PRR5L: variants seen among roughly 807,000 people sequenced by gnomAD.
PRR5L encodes proline rich 5 like.
PRR5L carries 21 observed loss-of-function variants against 36.4 expected under a neutral mutation model. The observed-to-expected ratio is 0.58, with a 90% CI of 0.41 to 0.83. The LOEUF is 0.83. Among genes scored for constraint, PRR5L ranks in the 40% least tolerant of loss-of-function variants. PRR5L has a pLI of 0.00. For missense variants in PRR5L, 381 were observed against 473.3 expected (o/e 0.80, Z 1.81); for synonymous variants, 188 against 197.0 (o/e 0.95, Z 0.38).
At chr11:36,317,084 C>A (rs1349180267) in intron 1 of PRR5L, among the ~76,000 whole-genome samples, 1 of 152,198 alleles carries the variant, frequency 6.6e-6, no homozygotes, top group African/African-American at 2.4e-5. Flanking sequence ...AGAACCCAAA[C>A]CAACACTTTC....
chr11:36,397,526 G>A (rs927276804), intron 1 of PRR5L, among the ~76,000 whole-genome samples: 6 of 132,366 alleles, frequency 4.5e-5, no homozygotes, highest in African/African-American at 1.8e-4. Flanking sequence ...GTGCCATCTT[G>A]GCTCACTGCA....
At chr11:36,451,163 GGCA>G in intron 7 of PRR5L, 43 bp from the exon 8 acceptor site, 1 of 1,606,776 alleles carries the variant, frequency 6.2e-7, no homozygotes, top group Non-Finnish European at 8.5e-7. Context: ...TGCTGGTCAT[GGCA>G]ATGAACACTG....
At chr11:36,389,774 G>T (rs1456881869) in intron 1 of PRR5L, among the ~76,000 whole-genome samples, 2 of 152,104 alleles carry the variant, frequency 1.3e-5, no homozygotes, top group Non-Finnish European at 2.9e-5. Flanking sequence ...CACCATACCT[G>T]GCTAGTTTTG....
At chr11:36,419,143 C>A in intron 3 of PRR5L, 112 bp from the exon 4 acceptor site, 3 of 879,338 alleles carry the variant, frequency 3.4e-6, no homozygotes, top group Non-Finnish European at 3.9e-6. Context: ...TAAGAAAGTG[C>A]CCTCAAGATC....
At chr11:36,412,378 C>T (rs978108916) in intron 3 of PRR5L, among the ~76,000 whole-genome samples, 6 of 152,164 alleles carry the variant, frequency 3.9e-5, no homozygotes, top group Non-Finnish European at 1.5e-5. Context: ...ATGCCGGGTT[C>T]CATCCTAGGA....
chr11:36,462,604 G>A lies in PRR5L; in HGVS notation c.975G>A (p.Leu325=). Reference sequence around the variant, plus strand: ...GCAGTGAGAACAAGTGCCTGCTCCTGCCACCCAGCTTCCCCCCGCCCCACC... The same window carrying A: ...GCAGTGAGAACAAGTGCCTGCTCCTACCACCCAGCTTCCCCCCGCCCCACC... ...EASSENKCLL[L]PPSFPPPHRQ... Residue 325 remains leucine, a synonymous_variant, in exon 9 of 9, where the codon CTG becomes CTA. Coordinates refer to ENST00000530639, the MANE Select transcript of PRR5L (RefSeq NM_001160167.2). The A allele has an allele frequency of 6.2e-7, 1 of 1,612,758 alleles. No homozygotes were observed. The highest frequency in any genetic ancestry group is 8.5e-7 in the Non-Finnish European group (1 of 1,179,930).
chr11:36,462,412 C>A lies in PRR5L; in HGVS notation c.783C>A (p.Ser261Arg). ...ATGCCTCCCCGATAACCGCAGTCAGCCGGCCACTGAATGAGATGGTCTTGA... is the reference window on the plus strand; with the variant it reads ...ATGCCTCCCCGATAACCGCAGTCAGACGGCCACTGAATGAGATGGTCTTGA... ...LNYASPITAV[S>R]RPLNEMVLTP... The change falls in exon 9 of 9, where the codon AGC becomes AGA. Residue 261 changes from serine (S) to arginine (R), a missense_variant. Coordinates refer to ENST00000530639, the MANE Select transcript of PRR5L (RefSeq NM_001160167.2). The A allele has an allele frequency of 6.3e-7, 1 of 1,575,092 alleles. No homozygotes were observed.
intron 3 of PRR5L, among the ~76,000 whole-genome samples, chr11:36,413,798 G>T (rs1300516383): frequency 6.7e-6 from 1 of 149,552 alleles, no homozygotes; most frequent in Non-Finnish European, 1.5e-5. Flanking sequence ...TGCCATGCTG[G>T]TGTGCTGCAC....
chr11:36,414,484 A>T (rs1858098863), intron 3 of PRR5L, among the ~76,000 whole-genome samples: 1 of 143,304 alleles, frequency 7.0e-6, no homozygotes, highest in Non-Finnish European at 1.5e-5. Context: ...GCATTTTTTC[A>T]TGTTTTTTGG....
chr11:36,345,382 G>A (rs1359374706), intron 1 of PRR5L, among the ~76,000 whole-genome samples: 1 of 152,154 alleles, frequency 6.6e-6, no homozygotes, highest in Non-Finnish European at 1.5e-5. Context: ...ATTGCAGTGT[G>A]TAACCCGCCG....
In PRR5L at chr11:36,348,504, C is replaced by T. The variant is rs376265845; in HGVS notation, c.-126+52066C>T. ...CTTCCGACCATGTGTTTATCTCCTT[C>T]CTGGAACTTCCGGGCACCTCTGTCT... On this transcript the variant is annotated intron_variant, in intron 1 of 8. Transcript: ENST00000530639. Among the ~76,000 whole-genome samples, 13 of 152,298 alleles carry T rather than the reference C, an allele frequency of 8.5e-5. No individual in the cohort carries two copies. In the East Asian group the frequency reaches 2.5e-3, roughly 29 times the overall value.
At position 36,347,870 on chromosome 11, in the gene PRR5L, G is replaced by C. The variant is rs369505042; in HGVS notation, c.-126+51432G>C. Among the ~76,000 whole-genome samples, 38 of 152,178 alleles carry C rather than the reference G, an allele frequency of 2.5e-4. No homozygotes were observed. In the East Asian group the frequency reaches 4.3e-3, roughly 17 times the overall value. ...AAGTTCCTATGGTGGTTCAGGGCCTGAACTTTGGGATAGATAGACCTGGTT... is the reference window on the plus strand; with the variant it reads ...AAGTTCCTATGGTGGTTCAGGGCCTCAACTTTGGGATAGATAGACCTGGTT... On this transcript the variant is annotated intron_variant, in intron 1 of 8. Coordinates refer to ENST00000530639, the MANE Select transcript of PRR5L (RefSeq NM_001160167.2).
intron 3 of PRR5L, among the ~76,000 whole-genome samples, chr11:36,410,070 C>CT (rs1857992791): frequency 6.6e-6 from 1 of 152,184 alleles, no homozygotes; most frequent in Non-Finnish European, 1.5e-5. Context: ...GATGAGGGCT[C>CT]TTCTTGGTCT....
chr11:36,350,928 A>T (rs1434715694), intron 1 of PRR5L, among the ~76,000 whole-genome samples: 3 of 37,466 alleles, frequency 8.0e-5, no homozygotes, highest in African/African-American at 2.8e-4. Flanking sequence ...ATTTATATAT[A>T]TTTATATATT....
Position 36,437,494 on chromosome 11 carries a change from A to G in PRR5L, c.444+18A>G, listed in dbSNP as rs773328263. 6.9e-7 allele frequency: 1 copy of G among 1,456,214 alleles called. No homozygotes were observed. The highest frequency in any genetic ancestry group is 1.2e-5 in the South Asian group (1 of 85,462). The allele number at this position is 1,456,214 out of a possible 1,614,324, so 90.2% of individuals were successfully genotyped here. On this transcript the variant is annotated intron_variant, in intron 6 of 8. Coordinates refer to ENST00000530639, the MANE Select transcript of PRR5L (RefSeq NM_001160167.2). ...CAGTTCAGGTTAGTCTCATTGGGGA[A>G]CACTTCCTGCCATCCTCAGCGATCT...
At chr11:36,385,618 G>A (rs1311083216) in intron 1 of PRR5L, among the ~76,000 whole-genome samples, 3 of 152,232 alleles carry the variant, frequency 2.0e-5, no homozygotes, top group Non-Finnish European at 2.9e-5. Context: ...GTTTCCAGTA[G>A]CGCCTGAGAA....
intron 6 of PRR5L, among the ~76,000 whole-genome samples, chr11:36,441,030 C>A (rs1858711728): frequency 6.6e-6 from 1 of 152,198 alleles, no homozygotes; most frequent in Non-Finnish European, 1.5e-5. Context: ...CTAGGCCCCA[C>A]CTCCAACATT....
At chr11:36,351,084 A>G (rs1856935394) in intron 1 of PRR5L, among the ~76,000 whole-genome samples, 1 of 117,722 alleles carries the variant, frequency 8.5e-6, no homozygotes, top group Non-Finnish European at 1.6e-5. Context: ...ATTTATAAAT[A>G]TATGTATTTT....
intron 3 of PRR5L, among the ~76,000 whole-genome samples, chr11:36,412,395 T>C (rs927851474): frequency 1.3e-5 from 2 of 152,160 alleles, no homozygotes; most frequent in Admixed American, 1.3e-4. Flanking sequence ...AGGAGCAATT[T>C]GTTTATTATT....
Sources: gnomAD v4.1 joint callset for allele counts (sites outside exome capture counted in the v4.1 genomes callset) on GRCh38, gnomAD v4.1.1 for gene constraint, MANE v1.5 for transcripts, NCBI Gene and HGNC (gene_info 2026-07-23, HGNC 2026-07-21) for gene names.